GPANK1: variants seen among roughly 807,000 people sequenced by gnomAD.
GPANK1 encodes the protein G patch domain and ankyrin repeat-containing protein 1.
GPANK1 carries 22 observed loss-of-function variants against 24.0 expected under a neutral mutation model. The ratio of observed to expected loss-of-function variants is 0.92; its 90% CI spans 0.66 to 1.31. The LOEUF is 1.31. Among genes scored for constraint, GPANK1 ranks in the 50% most tolerant of loss-of-function variants. The pLI, the probability that GPANK1 is intolerant of heterozygous loss-of-function variation, is 0.00. For missense variants in GPANK1, 469 were observed against 453.5 expected (o/e 1.03, Z -0.31); for synonymous variants, 174 against 177.4 (o/e 0.98, Z 0.15).
Position 31,664,261 on chromosome 6 carries a change from C to A in GPANK1, c.218G>T (p.Arg73Ile), listed in dbSNP as rs2151170305. Residue 73 changes from arginine to isoleucine, a missense_variant, in exon 2 of 3, where the codon AGA becomes ATA. By Grantham distance (97) the Arg-to-Ile change is moderately conservative. Coordinates refer to ENST00000375896, the MANE Select transcript of GPANK1 (RefSeq NM_033177.4). ...TGCTGCTGGTGCCTTCATTATTCTT[C>A]TTTTCTTTCTCTTTCTTTCTCTGGC... is the stretch of plus-strand genomic sequence containing the variant. ...EPARERKRKKRRIMKAPAAEA... is the reference protein window; with the variant it reads ...EPARERKRKKIRIMKAPAAEA... The A allele has an allele frequency of 6.2e-7, 1 of 1,614,100 alleles. No homozygotes were observed. The highest frequency in any genetic ancestry group is 8.5e-7 in the Non-Finnish European group (1 of 1,179,932).
Position 31,662,390 on chromosome 6 carries a change from G to A in GPANK1, c.947C>T (p.Ala316Val). 6.2e-7 allele frequency: 1 copy of A among 1,612,634 alleles called. No homozygotes were observed. The highest frequency in any genetic ancestry group is 8.5e-7 in the Non-Finnish European group (1 of 1,179,816). ...VTHFPAWDTRAVAGRERPPRV... is the reference protein window; with the variant it reads ...VTHFPAWDTRVVAGRERPPRV... ...AGGGGGTCTCTCCCTCCCAGCCACA[G>A]CTCGGGTATCCCAAGCTGGGAAATG... Residue 316 changes from alanine (A) to valine (V), a missense_variant, in exon 3 of 3, where the codon GCT (alanine) becomes GTT (valine). Coordinates refer to ENST00000375896, the MANE Select transcript of GPANK1 (RefSeq NM_033177.4). The surrounding 1 kb of genome is among the most constrained non-coding windows in gnomAD (Gnocchi z 5.5).
At chr6:31,665,559 G>C (rs976316260), upstream of GPANK1, 4 of 1,186,344 alleles carry the variant, frequency 3.4e-6, no homozygotes, top group Non-Finnish European at 4.5e-6. Context: ...CCCTACGCAC[G>C]GAGCCAAGCC....
rs1345946606 is a variant in GPANK1 at position 31,662,033 on chromosome 6, T to G, written c.*233A>C. ...TTCTGACTCAGGTGGGACTTGCATG[T>G]GGCTCCCAGGCTTCTGTTTGGCTTC... On this transcript the variant is annotated 3_prime_UTR_variant, in exon 3 of 3. Coordinates refer to ENST00000375896, the MANE Select transcript of GPANK1 (RefSeq NM_033177.4). The surrounding 1 kb of genome is among the most constrained non-coding windows in gnomAD (Gnocchi z 5.5). The G allele has an allele frequency of 4.8e-6, 2 of 417,160 alleles. No individual in the cohort carries two copies. Among genetic ancestry groups the G allele is most frequent in the Non-Finnish European group, 8.4e-6 (2 of 236,710 alleles). 25.8% of individuals were successfully genotyped at this position (417,160 alleles called of 1,614,324 possible). A position where few individuals can be genotyped will look rare whatever the true frequency, so the allele number is the denominator to read the frequency against.
upstream of GPANK1, chr6:31,666,088 C>T (rs1583595508): frequency 1.0e-6 from 1 of 993,380 alleles, no homozygotes; most frequent in Non-Finnish European, 1.2e-6. Context: ...CTAATTTCCA[C>T]TCCCCCCACC....
At position 31,664,540 on chromosome 6, in the gene GPANK1, G is replaced by A. The variant is rs1317672610; in HGVS notation, c.-62C>T. 8.0e-6 allele frequency: 11 copies of A among 1,370,212 alleles called. No homozygotes were observed. The highest frequency in any genetic ancestry group is 1.4e-5 in the African/African-American group (1 of 69,358). 84.9% of individuals were successfully genotyped at this position (1,370,212 alleles called of 1,614,324 possible). On this transcript the variant is annotated 5_prime_UTR_variant, in exon 2 of 3. Transcript: ENST00000375896. ...GGGAAGGATGAGACAAGTAAGCCAAGCTCGTGGTGACCCTGTAGCAACCAC... is the reference window on the plus strand; with the variant it reads ...GGGAAGGATGAGACAAGTAAGCCAAACTCGTGGTGACCCTGTAGCAACCAC...
Position 31,663,841 on chromosome 6 carries a change from G to C in GPANK1, c.626+12C>G. The stretch of plus-strand genomic sequence containing the variant: ...CAATGAGACATGGGTCTGAGCTAAA[G>C]TTTCCCCTTACCGGTTTTCCGGGCT... On this transcript the variant is annotated intron_variant, in intron 2 of 2. Transcript: ENST00000375896. 1 of 1,540,966 alleles carries C rather than the reference G, an allele frequency of 6.5e-7. No homozygotes were observed. Among genetic ancestry groups the C allele is most frequent in the Non-Finnish European group, 8.7e-7 (1 of 1,145,144 alleles).
chr6:31,663,767 A>C (rs1801219516), intron 2 of GPANK1, 86 bp downstream of exon 2: 1 of 1,507,042 alleles, frequency 6.6e-7, no homozygotes, highest in African/African-American at 1.4e-5. Flanking sequence ...AGAACTCTTC[A>C]GCACTGTGCT....
chr6:31,663,857 T>A lies in GPANK1; in HGVS notation c.622A>T (p.Asn208Tyr). 2 of 1,548,844 alleles carry A rather than the reference T, an allele frequency of 1.3e-6. No homozygotes were observed. The highest frequency in any genetic ancestry group is 1.2e-5 in the South Asian group (1 of 80,928). The part of the protein sequence containing the change: ...ESHGETRSPE[N>Y]RSPTPSLQYC... Reference sequence around the variant, plus strand: ...TGAGCTAAAGTTTCCCCTTACCGGTTTTCCGGGCTCCTTGTCTCTCCATGG... The same window carrying A: ...TGAGCTAAAGTTTCCCCTTACCGGTATTCCGGGCTCCTTGTCTCTCCATGG... Residue 208 changes from asparagine (N) to tyrosine (Y), a missense_variant, in exon 2 of 3, where the codon AAC (asparagine) becomes TAC (tyrosine). Coordinates refer to ENST00000375896, the MANE Select transcript of GPANK1 (RefSeq NM_033177.4).
At chr6:31,665,940 T>C (rs1007344306), upstream of GPANK1, 6 of 1,053,804 alleles carry the variant, frequency 5.7e-6, no homozygotes, top group African/African-American at 8.2e-5. Flanking sequence ...AGCCAGGTCG[T>C]GCGCGGGTCA....
Position 31,664,308 on chromosome 6 carries a change from G to T in GPANK1, c.171C>A (p.Ser57=). The T allele has an allele frequency of 6.2e-7, 1 of 1,614,032 alleles. No individual in the cohort carries two copies. Among genetic ancestry groups the T allele is most frequent in the Non-Finnish European group, 8.5e-7 (1 of 1,179,996 alleles). Residue 57 remains serine (S), a synonymous_variant, in exon 2 of 3, where the codon TCC becomes TCA. Coordinates refer to ENST00000375896, the MANE Select transcript of GPANK1 (RefSeq NM_033177.4). ...TGGCAGGTTCAGTCTGAGATCTCTG[G>T]GAGTCAGGAGCGCTGCTCTCATCCC... is the stretch of plus-strand genomic sequence containing the variant. ...LIGDESSAPD[S]QRSQTEPARE...
At chr6:31,666,222 C>A, upstream of GPANK1, 1 of 986,724 alleles carries the variant, frequency 1.0e-6, no homozygotes, top group Non-Finnish European at 1.2e-6. Context: ...AGTCTGAAGT[C>A]GTCGCTGCTC....
In GPANK1 at chr6:31,664,121, G is replaced by A. The variant is rs1406415898; in HGVS notation, c.358C>T (p.Leu120Phe). The A allele has an allele frequency of 3.1e-6, 5 of 1,614,084 alleles. No individual in the cohort carries two copies. The highest frequency in any genetic ancestry group is 4.2e-6 in the Non-Finnish European group (5 of 1,180,032). The part of the protein sequence containing the change: ...RAAQEGDLPE[L>F]RRLLEPHEAG... ...TCATGCGGTTCCAGCAGTCTCCTAA[G>A]TTCTGGCAGGTCCCCCTCCTGGGCT... is the stretch of plus-strand genomic sequence containing the variant. The change falls in exon 2 of 3, where the codon CTT becomes TTT. Residue 120 changes from leucine to phenylalanine, a missense_variant. Physicochemically the swap from Leu to Phe is conservative, Grantham distance 22. Coordinates refer to ENST00000375896, the MANE Select transcript of GPANK1 (RefSeq NM_033177.4).
chr6:31,666,028 C>G, upstream of GPANK1: 1 of 997,648 alleles, frequency 1.0e-6, no homozygotes, highest in Non-Finnish European at 1.2e-6. Flanking sequence ...CGGCATCCAC[C>G]GCGGCACCTG....
Position 31,661,876 on chromosome 6 carries a change from C to G in GPANK1, c.*390G>C, listed in dbSNP as rs1005016874. ...CCTCCTGGGGGAAGTGAGACTTGCA[C>G]GAAGCTGGGCAATTCTTGGTCCAGG... On this transcript the variant is annotated 3_prime_UTR_variant, in exon 3 of 3. Coordinates refer to ENST00000375896, the MANE Select transcript of GPANK1 (RefSeq NM_033177.4). The G allele has an allele frequency of 4.9e-6, 1 of 206,140 alleles. No individual in the cohort carries two copies. Among genetic ancestry groups the G allele is most frequent in the Non-Finnish European group, 9.6e-6 (1 of 104,374 alleles). The allele number at this position is 206,140 out of a possible 1,614,324, so 12.8% of individuals were successfully genotyped here.
upstream of GPANK1, chr6:31,665,577 T>TC: frequency 1.8e-6 from 2 of 1,125,906 alleles, no homozygotes; most frequent in Non-Finnish European, 2.4e-6. Flanking sequence ...GCCGCACCTC[T>TC]CCCCTCATGA....
rs757605253 is a variant in GPANK1 at position 31,664,472 on chromosome 6, G to A, written c.7C>T (p.Arg3Trp). ...GGGGTGAAGGTGATGAGCAAGGGCC[G>A]GGACATGGCTTTTGGGAGAACTGAG... MS[R>W]PLLITFTPAT... is the part of the protein sequence containing the mutation. Residue 3 changes from arginine (R) to tryptophan (W), a missense_variant, in exon 2 of 3, where the codon CGG becomes TGG. Arg to Trp is a moderately radical substitution (Grantham distance 101). Coordinates refer to ENST00000375896, the MANE Select transcript of GPANK1 (RefSeq NM_033177.4). 5.6e-6 allele frequency: 9 copies of A among 1,607,178 alleles called. No homozygotes were observed. The highest frequency in any genetic ancestry group is 1.1e-5 in the South Asian group (1 of 90,678).
At position 31,661,857 on chromosome 6, in the gene GPANK1, G is replaced by A. The variant is rs1800896862; in HGVS notation, c.*409C>T. Reference sequence around the variant, plus strand: ...TGGCTGTAGTCAGGGAACTCCTCCTGGGGGAAGTGAGACTTGCACGAAGCT... The same window carrying A: ...TGGCTGTAGTCAGGGAACTCCTCCTAGGGGAAGTGAGACTTGCACGAAGCT... On this transcript the variant is annotated 3_prime_UTR_variant, in exon 3 of 3. Coordinates refer to ENST00000375896, the MANE Select transcript of GPANK1 (RefSeq NM_033177.4). The A allele has an allele frequency of 5.1e-6, 1 of 197,850 alleles. No homozygotes were observed. The highest frequency in any genetic ancestry group is 2.3e-5 in the African/African-American group (1 of 43,048). The allele number at this position is 197,850 out of a possible 1,614,324, so 12.3% of individuals were successfully genotyped here.
At chr6:31,665,501 C>T, upstream of GPANK1, 1 of 1,560,748 alleles carries the variant, frequency 6.4e-7, no homozygotes, top group Non-Finnish European at 8.7e-7. Flanking sequence ...CAGGTTAGCG[C>T]ACTGGGACGT....
chr6:31,662,428 C>A lies in GPANK1; in HGVS notation c.909G>T (p.Gln303His), dbSNP rs745501286. The stretch of plus-strand genomic sequence containing the variant: ...AAGCTGGGAAATGTGTCACTCGGGG[C>A]TGGGGTGCTGATCTGTAGCCTAGTC... ...QEGLGYRSAP[Q>H]PRVTHFPAWD... is the part of the protein sequence containing the mutation. Residue 303 changes from glutamine (Q) to histidine (H), a missense_variant, in exon 3 of 3, where the codon CAG (glutamine) becomes CAT (histidine). Gln to His is a conservative substitution (Grantham distance 24). Coordinates refer to ENST00000375896, the MANE Select transcript of GPANK1 (RefSeq NM_033177.4). The surrounding 1 kb of genome is among the most constrained non-coding windows in gnomAD (Gnocchi z 5.5). 101 of 1,612,274 alleles carry A rather than the reference C, an allele frequency of 6.3e-5. No homozygotes were observed. Among genetic ancestry groups the A allele is most frequent in the Non-Finnish European group, 8.4e-5 (99 of 1,179,696 alleles).
Sources: allele counts gnomAD v4.1 joint callset, GRCh38; gene constraint gnomAD v4.1.1; non-coding constraint Gnocchi (gnomAD v3.1); transcripts MANE v1.5; gene names NCBI Gene and HGNC (gene_info 2026-07-23, HGNC 2026-07-21).